The following KDM4C variants were observed in gnomAD, a reference collection of about 807,000 sequenced individuals.
KDM4C encodes lysine demethylase 4C.
Under a neutral mutation model 129.3 loss-of-function variants are expected in KDM4C, and 81 were observed. The observed-to-expected ratio is 0.63, with a 90% CI of 0.52 to 0.75. The LOEUF is 0.75. Among genes scored for constraint, KDM4C ranks in the 30% least tolerant of loss-of-function variants. The pLI is 0.00. For missense variants in KDM4C, 1,457 were observed against 1,304.0 expected (o/e 1.12, Z -1.81); for synonymous variants, 573 against 456.1 (o/e 1.26, Z -3.26).
At chr9:6,804,512 C>T (rs1447405920) in intron 2 of KDM4C, among the ~76,000 whole-genome samples, 1 of 152,168 alleles carries the variant, frequency 6.6e-6, no homozygotes, top group Non-Finnish European at 1.5e-5. Flanking sequence ...GTAATCCCAA[C>T]AATTTGGGAG....
chr9:6,912,120 C>T (rs1819425674), intron 8 of KDM4C, among the ~76,000 whole-genome samples: 1 of 152,134 alleles, frequency 6.6e-6, no homozygotes, highest in Admixed American at 6.5e-5. Flanking sequence ...GCAGGCAGAG[C>T]CAGGGAGGGG....
chr9:7,052,892 A>T (rs77473654), intron 17 of KDM4C, among the ~76,000 whole-genome samples: 2 of 11,358 alleles, frequency 1.8e-4, no homozygotes, highest in African/African-American at 9.3e-4. Context: ...AGAGAGAGAG[A>T]GAGAGAGAGC....
chr9:6,834,569 A>G (rs1234451906), intron 4 of KDM4C: 2 of 716,032 alleles, frequency 2.8e-6, no homozygotes, highest in Non-Finnish European at 5.2e-6. Flanking sequence ...GTGGCACCCC[A>G]AGCACCAGGG....
chr9:7,103,581 T>TG, intron 17 of KDM4C, 104 bp from the exon 18 acceptor site: 17 of 334,216 alleles, frequency 5.1e-5, no homozygotes, highest in Non-Finnish European at 5.3e-5. Context: ...TAATCAGTTG[T>TG]TTTTTTTTTT....
chr9:6,949,254 C>T (rs1456742475), intron 8 of KDM4C, among the ~76,000 whole-genome samples: 1 of 150,884 alleles, frequency 6.6e-6, no homozygotes, highest in Admixed American at 6.6e-5. Context: ...GACGGGGTTG[C>T]GGCCGGGCAG....
intron 17 of KDM4C, among the ~76,000 whole-genome samples, chr9:7,088,938 G>T (rs192059928): frequency 1.3e-5 from 2 of 152,056 alleles, no homozygotes; most frequent in Admixed American, 6.5e-5. Flanking sequence ...TAAGAAAGCC[G>T]ATATTTTGTC....
At chr9:6,998,811 A>G (rs954997279) in intron 12 of KDM4C, among the ~76,000 whole-genome samples, 4 of 152,076 alleles carry the variant, frequency 2.6e-5, no homozygotes, top group Admixed American at 2.0e-4. Context: ...AAACAAACCA[A>G]CCAACAAACA....
At chr9:6,856,386 G>A (rs1839808704) in intron 5 of KDM4C, among the ~76,000 whole-genome samples, 1 of 152,114 alleles carries the variant, frequency 6.6e-6, no homozygotes, top group South Asian at 2.1e-4. Context: ...AATGCACTTA[G>A]AATTAACCAT....
intron 19 of KDM4C, among the ~76,000 whole-genome samples, chr9:7,159,896 C>T (rs544740462): frequency 1.3e-5 from 2 of 152,104 alleles, no homozygotes; most frequent in Non-Finnish European, 2.9e-5. Context: ...AGGTTGGGGA[C>T]GTTCTCCTGG....
At chr9:7,129,880 G>A (rs1056090065) in intron 19 of KDM4C, among the ~76,000 whole-genome samples, 6 of 152,130 alleles carry the variant, frequency 3.9e-5, no homozygotes, top group South Asian at 2.1e-4. Context: ...TGCTGTTGAG[G>A]AAACTGAGGC....
chr9:6,881,790 C>T (rs1011108339), intron 6 of KDM4C, among the ~76,000 whole-genome samples: 1 of 152,158 alleles, frequency 6.6e-6, no homozygotes, highest in African/African-American at 2.4e-5. Flanking sequence ...AGGGAAAAGA[C>T]CCTGCAAGAT....
chr9:6,918,938 G>C (rs1160005751), intron 8 of KDM4C, among the ~76,000 whole-genome samples: 1 of 151,872 alleles, frequency 6.6e-6, no homozygotes, highest in East Asian at 1.9e-4. Flanking sequence ...TGCAACCTCT[G>C]CTGCCTGGGT....
chr9:7,149,286 G>C (rs1375735875), intron 19 of KDM4C, among the ~76,000 whole-genome samples: 3 of 152,242 alleles, frequency 2.0e-5, no homozygotes, highest in Admixed American at 6.5e-5. Context: ...CAGCTATCAA[G>C]ACACGATGGC....
intron 1 of KDM4C, among the ~76,000 whole-genome samples, chr9:6,785,074 G>A (rs527303728): frequency 7.2e-5 from 11 of 152,318 alleles, no homozygotes; most frequent in African/African-American, 2.4e-4. Context: ...TAGGGCTAAT[G>A]TAACTAATTA....
At chr9:6,976,583 C>T (rs557305587) in intron 8 of KDM4C, among the ~76,000 whole-genome samples, 86 of 152,258 alleles carry the variant, frequency 5.6e-4, no homozygotes, top group Admixed American at 1.0e-3. Flanking sequence ...TAGGCACTTT[C>T]GCTTTGTGTT....
chr9:6,857,922 G>GTTTTTTT (rs71487861), intron 5 of KDM4C, among the ~76,000 whole-genome samples: 10 of 103,098 alleles, frequency 9.7e-5, no homozygotes, highest in East Asian at 6.5e-4. Context: ...ATCTGGCTAA[G>GTTTTTTT]TTTTTTTTTT....
At chr9:6,799,306 C>T (rs1399693741) in intron 2 of KDM4C, among the ~76,000 whole-genome samples, 1 of 152,256 alleles carries the variant, frequency 6.6e-6, no homozygotes, top group East Asian at 1.9e-4. Flanking sequence ...ACTCTGTCTG[C>T]AATCCCGGCA....
At chr9:6,857,942 T>TTG (rs1479602256) in intron 5 of KDM4C, among the ~76,000 whole-genome samples, 21 of 149,596 alleles carry the variant, frequency 1.4e-4, no homozygotes, top group Middle Eastern at 3.4e-3. Flanking sequence ...TTTTTTTTTT[T>TTG]TTTTAGAGAT....
At position 7,037,264 on chromosome 9, in the gene KDM4C, CT is replaced by C. The variant is rs1331297329; in HGVS notation, c.2260-9597del. Among the ~76,000 whole-genome samples the C allele has an allele frequency of 2.0e-5, 3 of 152,126 alleles. No homozygotes were observed. The East Asian group carries it at 5.8e-4, about 29-fold the overall frequency. ...TCAATCTAATTATTTTTCTATGACA[CT>C]GAAAATTGGCTTTAGTGGCACTTAT... On this transcript the variant is annotated intron_variant, in intron 15 of 21. Transcript: ENST00000381309.
Sources: allele counts gnomAD v4.1 joint callset (sites outside exome capture counted in the v4.1 genomes callset), GRCh38; gene constraint gnomAD v4.1.1; transcripts MANE v1.5; gene names NCBI Gene and HGNC (gene_info 2026-07-23, HGNC 2026-07-21).